TMCC1: variants seen among roughly 807,000 people sequenced by gnomAD.
TMCC1 encodes transmembrane and coiled-coil domains protein 1.
A neutral mutation model predicts 52.4 loss-of-function variants in TMCC1; 15 were observed. The ratio of observed to expected loss-of-function variants is 0.29; its 90% CI spans 0.19 to 0.44. TMCC1 has a LOEUF of 0.44. Ranked by LOEUF, TMCC1 falls within the 20% of genes least tolerant of loss-of-function variation. The pLI, the probability that TMCC1 is intolerant of heterozygous loss-of-function variation, is 1.00. For synonymous variants in TMCC1, 279 were observed against 301.9 expected, an observed-to-expected ratio of 0.92 and a Z score of 0.79; for missense variants, 503 against 806.0, an observed-to-expected ratio of 0.62 and a Z score of 4.55.
Position 129,745,624 on chromosome 3 carries a change from G to C in TMCC1, c.577-74360C>G, listed in dbSNP as rs2051875770. Reference sequence around the variant, plus strand: ...GTCCTTCCCAAAGGAGAGAGAGAGAGAAGCCTTTAAATAGACACAGCTGAA... The same window carrying C: ...GTCCTTCCCAAAGGAGAGAGAGAGACAAGCCTTTAAATAGACACAGCTGAA... On this transcript the variant is annotated intron_variant, in intron 4 of 6. Coordinates refer to ENST00000393238, the MANE Select transcript of TMCC1 (RefSeq NM_001017395.5). Among the ~76,000 whole-genome samples the C allele has an allele frequency of 2.0e-5, 3 of 152,104 alleles. No homozygotes were observed. The South Asian group carries it at 6.2e-4, about 31-fold the overall frequency.
rs759487719 is a variant in TMCC1 at position 129,774,882 on chromosome 3, T to C, written c.576+52921A>G. ...GGTCATAAAGAATCTCTACAGATCA[T>C]GTTAGGAAGTTTGAACTTTATCCTA... On this transcript the variant is annotated intron_variant, in intron 4 of 6. Transcript: ENST00000393238. 2.6e-5 allele frequency among the ~76,000 whole-genome samples: 4 copies of C among 152,308 alleles called. No individual in the cohort carries two copies. The South Asian group carries it at 6.2e-4, about 24-fold the overall frequency.
chr3:129,832,573 T>C (rs1273880107), intron 3 of TMCC1, among the ~76,000 whole-genome samples: 3 of 152,202 alleles, frequency 2.0e-5, no homozygotes, highest in Non-Finnish European at 2.9e-5. Context: ...GTGAAAAAAT[T>C]ATGTTTTTAA....
intron 4 of TMCC1, among the ~76,000 whole-genome samples, chr3:129,736,210 A>G (rs924172942): frequency 6.6e-6 from 1 of 152,150 alleles, no homozygotes; most frequent in Non-Finnish European, 1.5e-5. Context: ...AGTGATCACC[A>G]TGTTCACTTG....
intron 4 of TMCC1, among the ~76,000 whole-genome samples, chr3:129,734,515 G>A (rs534068882): frequency 2.0e-5 from 3 of 152,052 alleles, no homozygotes; most frequent in African/African-American, 7.2e-5. Context: ...GAGAAACCCC[G>A]TCACTACAAA....
At chr3:129,822,188 G>A (rs528388264) in intron 4 of TMCC1, among the ~76,000 whole-genome samples, 1 of 152,252 alleles carries the variant, frequency 6.6e-6, no homozygotes, top group Admixed American at 6.5e-5. Flanking sequence ...ATATTTTAAT[G>A]ATGAATGGGA....
intron 2 of TMCC1, chr3:129,866,924 T>C (rs1254720504): frequency 1.3e-5 from 2 of 152,156 alleles, no homozygotes; most frequent in Admixed American, 6.5e-5. Flanking sequence ...GAAAAACAAA[T>C]ACTAAAGAAA....
chr3:129,751,744 A>G (rs373075369), intron 4 of TMCC1, among the ~76,000 whole-genome samples: 22 of 152,138 alleles, frequency 1.4e-4, no homozygotes, highest in African/African-American at 5.3e-4. Context: ...TATTTTTAGG[A>G]GACACAGGGT....
At chr3:129,790,073 A>G (rs1198956875) in intron 4 of TMCC1, among the ~76,000 whole-genome samples, 1 of 152,246 alleles carries the variant, frequency 6.6e-6, no homozygotes, top group Admixed American at 6.5e-5. Context: ...GCTCTCAAAT[A>G]GAACAGGAAG....
At chr3:129,769,505 C>T (rs1258395669) in intron 4 of TMCC1, among the ~76,000 whole-genome samples, 1 of 151,136 alleles carries the variant, frequency 6.6e-6, no homozygotes, top group Non-Finnish European at 1.5e-5. Context: ...GCTGGGATTA[C>T]AAGCGTGAGC....
chr3:129,848,178 C>T lies in TMCC1; in HGVS notation c.-183-15352G>A, dbSNP rs1024102702. Among the ~76,000 whole-genome samples the T allele has an allele frequency of 3.3e-5, 5 of 152,154 alleles. No individual in the cohort carries two copies. In the East Asian group the frequency reaches 7.7e-4, roughly 23 times the overall value. Reference sequence around the variant, plus strand: ...TTAACTTGGATGAAATCCAATTTAGCGATTTTTTCCCCTTTATACTTCATG... The same window carrying T: ...TTAACTTGGATGAAATCCAATTTAGTGATTTTTTCCCCTTTATACTTCATG... On this transcript the variant is annotated intron_variant, in intron 2 of 6. Transcript: ENST00000393238.
chr3:129,791,357 T>A (rs542707941), intron 4 of TMCC1, among the ~76,000 whole-genome samples: 1 of 152,092 alleles, frequency 6.6e-6, no homozygotes, highest in Admixed American at 6.5e-5. Context: ...CCTCCCAAAG[T>A]GCTGGGATTA....
At chr3:129,721,704 C>CAA (rs765601986) in intron 4 of TMCC1, among the ~76,000 whole-genome samples, 243 of 75,992 alleles carry the variant, frequency 3.2e-3, no homozygotes, top group East Asian at 0.012. Flanking sequence ...ACTAAAAATA[C>CAA]AAAAAAAAAA....
intron 4 of TMCC1, among the ~76,000 whole-genome samples, chr3:129,774,805 G>T (rs1370334321): frequency 6.6e-6 from 1 of 152,202 alleles, no homozygotes; most frequent in Admixed American, 6.5e-5. Flanking sequence ...TTGTGTGGCT[G>T]TGGGGAGCAA....
At chr3:129,844,223 A>G (rs1409157249) in intron 2 of TMCC1, among the ~76,000 whole-genome samples, 1 of 152,224 alleles carries the variant, frequency 6.6e-6, no homozygotes, top group Non-Finnish European at 1.5e-5. Flanking sequence ...CCCTTAGTTT[A>G]ATAAGGATAT....
At chr3:129,690,955 G>T (rs753070750) in intron 4 of TMCC1, among the ~76,000 whole-genome samples, 1 of 152,114 alleles carries the variant, frequency 6.6e-6, no homozygotes, top group African/African-American at 2.4e-5. Flanking sequence ...GTTTTAGCCT[G>T]GGTACATCTC....
chr3:129,884,086 G>A (rs2061584776), intron 1 of TMCC1, among the ~76,000 whole-genome samples: 1 of 151,972 alleles, frequency 6.6e-6, no homozygotes, highest in Admixed American at 6.6e-5. Context: ...ACAAATTAAA[G>A]TCTTCAGATG....
intron 5 of TMCC1, among the ~76,000 whole-genome samples, chr3:129,665,874 T>C (rs551055006): frequency 6.6e-6 from 1 of 152,302 alleles, no homozygotes; most frequent in East Asian, 1.9e-4. Flanking sequence ...ACTGTGAGGA[T>C]TGGCAAATGT....
At chr3:129,713,247 C>T (rs1160773013) in intron 4 of TMCC1, among the ~76,000 whole-genome samples, 2 of 152,092 alleles carry the variant, frequency 1.3e-5, no homozygotes, top group African/African-American at 2.4e-5. Context: ...GGGCTTTTTT[C>T]CTCCATCCAA....
intron 2 of TMCC1, among the ~76,000 whole-genome samples, chr3:129,878,133 CT>C (rs1002017525): frequency 1.4e-4 from 20 of 144,876 alleles, no homozygotes; most frequent in East Asian, 4.1e-4. Context: ...TAATTTTTTA[CT>C]TTTTTTTTTA....
Sources: allele counts gnomAD v4.1 joint callset (sites outside exome capture counted in the v4.1 genomes callset), GRCh38; gene constraint gnomAD v4.1.1; transcripts MANE v1.5; gene names NCBI Gene and HGNC (gene_info 2026-07-23, HGNC 2026-07-21).